The following TENM4 variants were observed in gnomAD, a reference collection of about 807,000 sequenced individuals.
TENM4 encodes the protein teneurin transmembrane protein 4, also known as teneurin-4.
Under a neutral mutation model 243.3 loss-of-function variants are expected in TENM4, and 82 were observed. The ratio of observed to expected loss-of-function variants is 0.34; its 90% CI spans 0.28 to 0.40. The LOEUF is 0.40. TENM4 is among the 10% of genes least tolerant of loss of function. The pLI, the probability that TENM4 is intolerant of heterozygous loss-of-function variation, is 1.00. For synonymous variants in TENM4, 1,412 were observed against 1,456.3 expected (o/e 0.97, Z 0.69); for missense variants, 3,138 against 3,673.3 (o/e 0.85, Z 3.77).
chr11:78,859,298 T>A (rs962941063), intron 10 of TENM4, among the ~76,000 whole-genome samples: 1 of 152,156 alleles, frequency 6.6e-6, no homozygotes, highest in Admixed American at 6.5e-5. Flanking sequence ...AGAAGGACAC[T>A]CTACAATCAC....
intron 2 of TENM4, among the ~76,000 whole-genome samples, chr11:79,278,732 G>A (rs534239345): frequency 7.9e-5 from 12 of 152,310 alleles, no homozygotes; most frequent in East Asian, 3.9e-4. Flanking sequence ...CAAGTGGCCC[G>A]TGGCAGTCTC....
chr11:78,895,777 C>T (rs1855778816), intron 7 of TENM4, among the ~76,000 whole-genome samples: 1 of 152,140 alleles, frequency 6.6e-6, no homozygotes, highest in Admixed American at 6.5e-5. Context: ...AACTAAGGCC[C>T]AGAAAGGTTA....
chr11:79,042,112 C>G (rs1369219767), intron 6 of TENM4, among the ~76,000 whole-genome samples: 1 of 152,166 alleles, frequency 6.6e-6, no homozygotes, highest in Non-Finnish European at 1.5e-5. Flanking sequence ...CAGAGGTTAC[C>G]CCTACACCTT....
chr11:78,686,236 C>G (rs1858666357), intron 29 of TENM4, among the ~76,000 whole-genome samples: 1 of 152,092 alleles, frequency 6.6e-6, no homozygotes, highest in Non-Finnish European at 1.5e-5. Flanking sequence ...CTAAAAGGCC[C>G]AAGAAGACAG....
At chr11:78,957,030 C>T (rs981591421) in intron 6 of TENM4, among the ~76,000 whole-genome samples, 7 of 152,100 alleles carry the variant, frequency 4.6e-5, no homozygotes, top group African/African-American at 7.2e-5. Flanking sequence ...ACCCTTCATC[C>T]CTCATCTCTC....
intron 28 of TENM4, among the ~76,000 whole-genome samples, chr11:78,692,013 A>G (rs11237587): frequency 0.16 from 23,935 of 152,106 alleles, 2,065 homozygotes; most frequent in Admixed American, 0.2. Context: ...CCACCTCTAC[A>G]GAACCCTTTC....
At chr11:79,041,419 C>T (rs938680678) in intron 6 of TENM4, among the ~76,000 whole-genome samples, 4 of 150,972 alleles carry the variant, frequency 2.6e-5, no homozygotes, top group Non-Finnish European at 5.9e-5. Context: ...ATGAGAATAC[C>T]TACCTCACAG....
chr11:78,704,036 C>T (rs77098010), intron 27 of TENM4, among the ~76,000 whole-genome samples: 36,856 of 108,184 alleles, frequency 0.34, 5,379 homozygotes, highest in African/African-American at 0.55. Flanking sequence ...TATATATATA[C>T]ACACACACAC....
In TENM4 at chr11:79,106,570, C is replaced by T. The variant is rs561017505; in HGVS notation, c.-65-36561G>A. ...CACATAGTAGGTGCTTGACAGACGT[C>T]GGTCCTCTTGCCTGTCCCTGAAGGG... On this transcript the variant is annotated intron_variant, in intron 4 of 33. Coordinates refer to ENST00000278550, the MANE Select transcript of TENM4 (RefSeq NM_001098816.3). Among the ~76,000 whole-genome samples, 23 of 152,340 alleles carry T rather than the reference C, an allele frequency of 1.5e-4. 2 individuals carry two copies. The South Asian group carries it at 2.9e-3, about 19-fold the overall frequency.
intron 1 of TENM4, among the ~76,000 whole-genome samples, chr11:79,349,983 G>C (rs1857388367): frequency 6.6e-6 from 1 of 152,160 alleles, no homozygotes; most frequent in Admixed American, 6.5e-5. Context: ...AAGTTCTCGT[G>C]TCCCATTCTA....
At chr11:78,981,850 G>T (rs1857802074) in intron 6 of TENM4, among the ~76,000 whole-genome samples, 1 of 152,066 alleles carries the variant, frequency 6.6e-6, no homozygotes, top group Admixed American at 6.5e-5. Context: ...CACCCTTATT[G>T]TTGAGCCATG....
chr11:79,220,917 G>T (rs892747096), intron 2 of TENM4: 1 of 152,200 alleles, frequency 6.6e-6, no homozygotes, highest in African/African-American at 2.4e-5. Context: ...ACCTTTAGGA[G>T]CACATCCAAT....
intron 6 of TENM4, among the ~76,000 whole-genome samples, chr11:78,937,945 T>C (rs568202018): frequency 6.6e-6 from 1 of 152,336 alleles, no homozygotes; most frequent in Non-Finnish European, 1.5e-5. Flanking sequence ...GATCTAAATT[T>C]GTTGTAATTT....
At chr11:78,890,267 A>C (rs1265985859) in intron 8 of TENM4, among the ~76,000 whole-genome samples, 1 of 152,140 alleles carries the variant, frequency 6.6e-6, no homozygotes, top group African/African-American at 2.4e-5. Context: ...AAACCCACCC[A>C]CGGCAAGGCA....
chr11:79,291,794 A>T (rs1856361712), intron 2 of TENM4, among the ~76,000 whole-genome samples: 1 of 152,156 alleles, frequency 6.6e-6, no homozygotes, highest in African/African-American at 2.4e-5. Flanking sequence ...TCATGCTGTT[A>T]ATCAGCATAC....
chr11:78,945,293 T>C (rs961480697), intron 6 of TENM4, among the ~76,000 whole-genome samples: 3 of 152,234 alleles, frequency 2.0e-5, no homozygotes, highest in African/African-American at 7.2e-5. Context: ...ACATTTCAAA[T>C]GTTTAAACTA....
chr11:78,959,969 C>A (rs916994541), intron 6 of TENM4, among the ~76,000 whole-genome samples: 3 of 152,012 alleles, frequency 2.0e-5, no homozygotes, highest in Non-Finnish European at 2.9e-5. Context: ...TTCCCCCCTA[C>A]CCCATAAGCT....
chr11:79,263,024 T>C (rs1320750741), intron 2 of TENM4, among the ~76,000 whole-genome samples: 1 of 152,196 alleles, frequency 6.6e-6, no homozygotes, highest in Admixed American at 6.5e-5. Context: ...AACATTCTTT[T>C]CCAATGGGCT....
At chr11:79,127,100 T>G (rs1861895538) in intron 4 of TENM4, among the ~76,000 whole-genome samples, 1 of 152,100 alleles carries the variant, frequency 6.6e-6, no homozygotes, top group Admixed American at 6.6e-5. Context: ...CTAGAATGCA[T>G]AATTGGCATA....
Sources: allele counts gnomAD v4.1 joint callset (sites outside exome capture counted in the v4.1 genomes callset), GRCh38; gene constraint gnomAD v4.1.1; transcripts MANE v1.5; gene names NCBI Gene and HGNC (gene_info 2026-07-23, HGNC 2026-07-21).